Variants in CHD9 observed in about 807,000 individuals in gnomAD.
CHD9 encodes ATP-dependent chromatin remodeler CHD9.
CHD9 carries 77 observed loss-of-function variants against 316.1 expected under a neutral mutation model. The observed-to-expected ratio is 0.24, with a 90% confidence interval of 0.20 to 0.29. The LOEUF is 0.29. CHD9 is among the 10% of genes least tolerant of loss of function. The probability of loss-of-function intolerance (pLI) is 1.00; values close to 1 mark genes in which losing one functional copy is unlikely to be tolerated. For synonymous variants in CHD9, 1,129 were observed against 1,158.3 expected, an observed-to-expected ratio of 0.97 and a Z score of 0.51; for missense variants, 2,763 against 3,438.1, an observed-to-expected ratio of 0.80 and a Z score of 4.91.
chr16:53,079,625 C>T (rs992934863), intron 1 of CHD9, among the ~76,000 whole-genome samples: 1 of 152,110 alleles, frequency 6.6e-6, no homozygotes, highest in Non-Finnish European at 1.5e-5. Context: ...TCCTAGATAG[C>T]CTCAGGGTAT....
chr16:53,263,713 T>G (rs2051368992), intron 20 of CHD9, among the ~76,000 whole-genome samples: 1 of 152,154 alleles, frequency 6.6e-6, no homozygotes, highest in Non-Finnish European at 1.5e-5. Flanking sequence ...GGATCTTTGT[T>G]GATAGCCTTT....
rs1325048528 is a variant in CHD9 at position 53,324,292 on chromosome 16, C to T, written c.8091C>T (p.Gly2697=). 6.2e-7 allele frequency: 1 copy of T among 1,614,018 alleles called. No homozygotes were observed. The highest frequency in any genetic ancestry group is 1.1e-5 in the South Asian group (1 of 91,086). The change falls in exon 39 of 39, where the codon GGC becomes GGT. Residue 2697 remains glycine, a synonymous_variant. Transcript: ENST00000447540. ...CTGGGTTGATGGGAATGCCTACCGG[C>T]CTTCCTTCTGGAGGAGAAGCTAAAA... ...VTAGLMGMPT[G]LPSGGEAKNM...
At chr16:53,218,416 G>A (rs2046956246) in intron 3 of CHD9, among the ~76,000 whole-genome samples, 1 of 152,062 alleles carries the variant, frequency 6.6e-6, no homozygotes, top group South Asian at 2.1e-4. Context: ...ACTCAAAAGG[G>A]CAAGTGTTTA....
rs577127558 is a variant in CHD9, at chr16:53,292,718, T to C, written c.5291-115T>C. ...AAAGAAGCTTTTAGGATGAGAAATA[T>C]GTTTTTTTTTCCCCACATAGATTGA... On this transcript the variant is annotated intron_variant, in intron 28 of 38. Coordinates refer to ENST00000447540, the MANE Select transcript of CHD9 (RefSeq NM_001308319.2). The C allele has an allele frequency of 6.2e-5, 47 of 755,256 alleles. No individual in the cohort carries two copies. The African/African-American group carries it at 7.3e-4, about 12-fold the overall frequency. 46.8% of individuals were successfully genotyped at this position (755,256 alleles called of 1,614,324 possible).
At chr16:53,217,767 TA>T (rs966125586) in intron 3 of CHD9, among the ~76,000 whole-genome samples, 33 of 151,582 alleles carry the variant, frequency 2.2e-4, no homozygotes, top group Admixed American at 7.2e-4. Context: ...TCATTTTATT[TA>T]AAAAAAAATT....
chr16:53,136,836 G>C (rs1440361384), intron 1 of CHD9, among the ~76,000 whole-genome samples: 1 of 152,026 alleles, frequency 6.6e-6, no homozygotes, highest in Non-Finnish European at 1.5e-5. Context: ...TCTGTATTCT[G>C]TATTCCCAAG....
chr16:53,132,151 T>C (rs1040099026), intron 1 of CHD9, among the ~76,000 whole-genome samples: 3 of 152,024 alleles, frequency 2.0e-5, no homozygotes, highest in African/African-American at 7.2e-5. Flanking sequence ...AAAATAAAAC[T>C]TTTCAGAACA....
At position 53,157,137 on chromosome 16, in the gene CHD9, A is replaced by G. The variant is rs2041574725; in HGVS notation, c.1048A>G (p.Ser350Gly). Reference sequence around the variant, plus strand: ...TTCATCACATCCTCAGGGTAATTATAGCAATTCAAAATTATCTCCTGTGCA... The same window carrying G: ...TTCATCACATCCTCAGGGTAATTATGGCAATTCAAAATTATCTCCTGTGCA... ...LHSSHPQGNY[S>G]NSKLSPVHMN... The change falls in exon 2 of 39, where the codon AGC (serine) becomes GGC (glycine). Residue 350 changes from serine (S) to glycine (G), a missense_variant. Physicochemically the swap from Ser to Gly is moderately conservative, Grantham distance 56. Transcript: ENST00000447540. 1.2e-6 allele frequency: 2 copies of G among 1,609,952 alleles called. No individual in the cohort carries two copies. Among genetic ancestry groups the G allele is most frequent in the Non-Finnish European group, 1.7e-6 (2 of 1,177,724 alleles).
intron 2 of CHD9, among the ~76,000 whole-genome samples, chr16:53,170,210 A>G (rs1166638970): frequency 6.6e-6 from 1 of 152,126 alleles, no homozygotes; most frequent in Non-Finnish European, 1.5e-5. Context: ...GGATTTTTAT[A>G]TAAAAGAGTT....
At chr16:53,057,199 G>A (rs903520260) in intron 1 of CHD9, among the ~76,000 whole-genome samples, 3 of 151,778 alleles carry the variant, frequency 2.0e-5, no homozygotes, top group Non-Finnish European at 4.4e-5. Context: ...GTTTGTGGCC[G>A]GGTGTGGTGG....
At chr16:53,169,661 G>T (rs994241078) in intron 2 of CHD9, among the ~76,000 whole-genome samples, 6 of 152,226 alleles carry the variant, frequency 3.9e-5, no homozygotes, top group African/African-American at 1.4e-4. Context: ...ACAGTAAGTT[G>T]TAGACATCAT....
intron 3 of CHD9, among the ~76,000 whole-genome samples, chr16:53,219,886 T>C (rs974077016): frequency 6.6e-6 from 1 of 152,222 alleles, no homozygotes; most frequent in African/African-American, 2.4e-5. Context: ...GGCTGACTCA[T>C]AGTAAACATT....
intron 38 of CHD9, among the ~76,000 whole-genome samples, chr16:53,323,182 A>ATGT (rs978922361): frequency 6.6e-6 from 1 of 152,204 alleles, no homozygotes; most frequent in Non-Finnish European, 1.5e-5. Flanking sequence ...TGGAAAAAAA[A>ATGT]TGTAAAATAT....
At chr16:53,128,229 A>G (rs1211767821) in intron 1 of CHD9, among the ~76,000 whole-genome samples, 4 of 151,624 alleles carry the variant, frequency 2.6e-5, no homozygotes, top group African/African-American at 9.7e-5. Flanking sequence ...GTCATCCAGG[A>G]TGGAGTGCAA....
intron 2 of CHD9, among the ~76,000 whole-genome samples, chr16:53,194,142 G>T (rs955256765): frequency 5.9e-5 from 9 of 151,760 alleles, no homozygotes; most frequent in Admixed American, 5.9e-4. Flanking sequence ...GATCACTTGA[G>T]CCCAAGAATT....
intron 1 of CHD9, among the ~76,000 whole-genome samples, chr16:53,072,994 C>T (rs1228583354): frequency 6.6e-6 from 1 of 152,332 alleles, no homozygotes; most frequent in East Asian, 1.9e-4. Flanking sequence ...CACGCCCGGC[C>T]ATCCCTATAA....
intron 2 of CHD9, among the ~76,000 whole-genome samples, chr16:53,189,942 A>G (rs1427475494): frequency 6.6e-6 from 1 of 152,160 alleles, no homozygotes; most frequent in Admixed American, 6.5e-5. Flanking sequence ...CATCTATATT[A>G]TGGGGATACA....
intron 2 of CHD9, among the ~76,000 whole-genome samples, chr16:53,205,225 T>C (rs1207973733): frequency 6.6e-6 from 1 of 152,212 alleles, no homozygotes; most frequent in Admixed American, 6.5e-5. Context: ...TTGAAACTTA[T>C]CACACTTACA....
rs556918322 is a variant in CHD9, at chr16:53,205,090, C to T, written c.1453-4392C>T. The stretch of plus-strand genomic sequence containing the variant: ...CTCCTGACCTCAAGTGATGCATCCA[C>T]CTTGGCCTCCCCAAGGCTGGGATTA... On this transcript the variant is annotated intron_variant, in intron 2 of 38. Transcript: ENST00000447540. 2.0e-5 allele frequency among the ~76,000 whole-genome samples: 3 copies of T among 152,286 alleles called. No homozygotes were observed. In the South Asian group the frequency reaches 6.2e-4, roughly 32 times the overall value.
Sources: allele counts gnomAD v4.1 joint callset (sites outside exome capture counted in the v4.1 genomes callset), GRCh38; gene constraint gnomAD v4.1.1; transcripts MANE v1.5; gene names NCBI Gene and HGNC (gene_info 2026-07-23, HGNC 2026-07-21).